EYS: variants seen among roughly 807,000 people sequenced by gnomAD.
EYS encodes the protein protein eyes shut homolog.
In EYS, 250 loss-of-function variants were observed where a neutral mutation model predicts 282.1. The observed-to-expected ratio is 0.89, with a 90% CI of 0.80 to 0.98. The LOEUF (loss-of-function observed/expected upper bound fraction) is 0.98. Among genes scored for constraint, EYS ranks in the 50% least tolerant of loss-of-function variants. EYS has a pLI of 0.00. For synonymous variants in EYS, 1,355 were observed against 1,282.9 expected (o/e 1.06, Z -1.20); for missense variants, 4,016 against 3,709.0 (o/e 1.08, Z -2.15).
intron 31 of EYS, among the ~76,000 whole-genome samples, chr6:64,148,766 T>C (rs1649283378): frequency 6.6e-6 from 1 of 152,152 alleles, no homozygotes; most frequent in South Asian, 2.1e-4. Flanking sequence ...CTCATGTTAA[T>C]AGTGATCCAG....
chr6:63,790,590 C>T (rs1770484640), intron 37 of EYS, among the ~76,000 whole-genome samples: 1 of 152,178 alleles, frequency 6.6e-6, no homozygotes, highest in East Asian at 1.9e-4. Context: ...TGCAATGCTG[C>T]ATCAGGTTAG....
chr6:64,640,610 C>A (rs1582985942), intron 22 of EYS, among the ~76,000 whole-genome samples: 1 of 151,802 alleles, frequency 6.6e-6, no homozygotes, highest in East Asian at 1.9e-4. Flanking sequence ...AGGATATATA[C>A]CTGATGCTAA....
rs553504038 is a variant in EYS at position 65,491,163 on chromosome 6, A to G, written c.749-456T>C. 9.2e-5 allele frequency among the ~76,000 whole-genome samples: 14 copies of G among 152,140 alleles called. No individual in the cohort carries two copies. The South Asian group carries it at 2.9e-3, about 32-fold the overall frequency. On this transcript the variant is annotated intron_variant, in intron 4 of 42. Coordinates refer to ENST00000503581, the MANE Select transcript of EYS (RefSeq NM_001142800.2). The stretch of plus-strand genomic sequence containing the variant: ...AGAAATGGCTGCCTGGATTCTCAGA[A>G]TATGTGCACAAACTTCCAAATTCAA...
intron 22 of EYS, among the ~76,000 whole-genome samples, chr6:64,750,428 A>AT (rs1303470697): frequency 6.6e-6 from 1 of 151,716 alleles, no homozygotes; most frequent in Non-Finnish European, 1.5e-5. Flanking sequence ...AGTAAAAAAA[A>AT]AAAAGCTTTC....
chr6:63,892,092 A>G (rs1773422936), intron 35 of EYS, among the ~76,000 whole-genome samples: 1 of 152,234 alleles, frequency 6.6e-6, no homozygotes, highest in African/African-American at 2.4e-5. Context: ...ACGCAAACAA[A>G]TGGAAAAACA....
At chr6:63,909,664 A>G (rs1465646564) in intron 35 of EYS, among the ~76,000 whole-genome samples, 2 of 152,214 alleles carry the variant, frequency 1.3e-5, no homozygotes, top group Non-Finnish European at 2.9e-5. Flanking sequence ...TCCTCCTTGC[A>G]GAGAGCTGCT....
At position 64,055,257 on chromosome 6, in the gene EYS, G is replaced by A. The variant is rs550046467; in HGVS notation, c.6725+11081C>T. 4.6e-5 allele frequency among the ~76,000 whole-genome samples: 7 copies of A among 150,946 alleles called. No homozygotes were observed. In the East Asian group the frequency reaches 1.4e-3, roughly 29 times the overall value. On this transcript the variant is annotated intron_variant, in intron 33 of 42. Coordinates refer to ENST00000503581, the MANE Select transcript of EYS (RefSeq NM_001142800.2). ...GATGCTGTAAAATAAAAAGTAGTGA[G>A]CATTTTTTTTTCTAGTCCTACAGCA...
rs760320725 is a variant in EYS, at chr6:65,532,781, C to T, written c.-332-36788G>A. 1.7e-3 allele frequency among the ~76,000 whole-genome samples: 262 copies of T among 152,024 alleles called. 3 individuals carry two copies. The highest frequency in any genetic ancestry group is 7.1e-3 in the Admixed American group (109 of 15,260). ...CTAAAAAGCTTTAGAGTAAACATTA[C>T]CAACAGAAAAAAAATATGGCAAGTA... On this transcript the variant is annotated intron_variant, in intron 2 of 42. Coordinates refer to ENST00000503581, the MANE Select transcript of EYS (RefSeq NM_001142800.2).
chr6:65,697,065 T>G (rs1769481061), intron 1 of EYS, among the ~76,000 whole-genome samples: 1 of 152,038 alleles, frequency 6.6e-6, no homozygotes, highest in Non-Finnish European at 1.5e-5. Flanking sequence ...GGCATGTATA[T>G]CTCACATATA....
At chr6:65,644,716 C>G (rs1767393889) in intron 1 of EYS, among the ~76,000 whole-genome samples, 1 of 152,206 alleles carries the variant, frequency 6.6e-6, no homozygotes, top group Admixed American at 6.5e-5. Flanking sequence ...CAGCAGATTT[C>G]TCAGCAGAAA....
chr6:65,015,881 A>AAT (rs1173852349), intron 13 of EYS, among the ~76,000 whole-genome samples: 2 of 147,692 alleles, frequency 1.4e-5, no homozygotes, highest in African/African-American at 5.0e-5. Context: ...AAAAAAAAAA[A>AAT]AAAAAAAAAA....
chr6:64,999,768 A>T (rs1479086879), intron 13 of EYS, among the ~76,000 whole-genome samples: 1 of 152,162 alleles, frequency 6.6e-6, no homozygotes, highest in Non-Finnish European at 1.5e-5. Context: ...ACGCACTGAC[A>T]AGCGCCGGCA....
Position 64,591,221 on chromosome 6 carries a change from A to G in EYS, c.4646T>C (p.Leu1549Ser), listed in dbSNP as rs1766398779. ...TGCACATGTTTGGCTTAATTCTCTT[A>G]AAGAATCAGCAGCCTGTGATTTGAT... ...TNIKSQAADSLRELSQTCATC... is the reference protein window; with the variant it reads ...TNIKSQAADSSRELSQTCATC... The change falls in exon 26 of 43, where the codon TTA becomes TCA. Residue 1549 changes from leucine (L) to serine (S), a missense_variant. Coordinates refer to ENST00000503581, the MANE Select transcript of EYS (RefSeq NM_001142800.2). 2 of 1,551,418 alleles carry G rather than the reference A, an allele frequency of 1.3e-6. No individual in the cohort carries two copies. Among genetic ancestry groups the G allele is most frequent in the East Asian group, 2.4e-5 (1 of 40,900 alleles).
chr6:64,969,305 G>T (rs1348999413), intron 14 of EYS, among the ~76,000 whole-genome samples: 4 of 152,164 alleles, frequency 2.6e-5, no homozygotes, highest in African/African-American at 9.6e-5. Flanking sequence ...GCTACTAGCT[G>T]GGGACTGGAT....
At chr6:65,550,160 T>TCATGGCATCTCACAC (rs1768562069) in intron 2 of EYS, among the ~76,000 whole-genome samples, 5 of 8,962 alleles carry the variant, frequency 5.6e-4, no homozygotes, top group East Asian at 8.3e-3. Flanking sequence ...TTTTTTTTTT[T>TCATGGCATCTCACAC]TTTTTTTTTT....
At chr6:64,414,298 C>T (rs1402076384) in intron 28 of EYS, among the ~76,000 whole-genome samples, 1 of 151,970 alleles carries the variant, frequency 6.6e-6, no homozygotes, top group Non-Finnish European at 1.5e-5. Context: ...TGGAGCCATG[C>T]CTTCAAAATT....
intron 1 of EYS, among the ~76,000 whole-genome samples, chr6:65,677,095 A>C (rs929045754): frequency 1.5e-5 from 2 of 130,784 alleles, no homozygotes; most frequent in African/African-American, 5.8e-5. Flanking sequence ...GCTTTATCAC[A>C]GTCATTGGTG....
chr6:63,783,090 G>T (rs1228250660), intron 39 of EYS, among the ~76,000 whole-genome samples: 1 of 151,910 alleles, frequency 6.6e-6, no homozygotes, highest in Non-Finnish European at 1.5e-5. Flanking sequence ...GAAACCGAAA[G>T]TACTGACCGT....
At chr6:63,924,172 T>A (rs186836121) in intron 35 of EYS, among the ~76,000 whole-genome samples, 3 of 152,360 alleles carry the variant, frequency 2.0e-5, no homozygotes, top group Admixed American at 2.0e-4. Context: ...TACTTCTTCC[T>A]CTCAGAATTA....
Sources: allele counts gnomAD v4.1 joint callset (sites outside exome capture counted in the v4.1 genomes callset), GRCh38; gene constraint gnomAD v4.1.1; transcripts MANE v1.5; gene names NCBI Gene and HGNC (gene_info 2026-07-23, HGNC 2026-07-21).